The following NOPCHAP1 variants were observed in gnomAD, a reference collection of about 807,000 sequenced individuals.
The protein encoded by NOPCHAP1 is DNA damage-sensitive RNA 1.
Under a neutral mutation model 14.0 loss-of-function variants are expected in NOPCHAP1, and 13 were observed. That is an observed-to-expected ratio of 0.93 (90% CI 0.60 to 1.47). The LOEUF (loss-of-function observed/expected upper bound fraction) is 1.47. Among genes scored for constraint, NOPCHAP1 ranks in the 40% most tolerant of loss-of-function variants. NOPCHAP1 has a pLI of 0.00. For synonymous variants in NOPCHAP1, 78 were observed against 78.4 expected (o/e 1.00, Z 0.03); for missense variants, 230 against 226.9 (o/e 1.01, Z -0.09).
intron 1 of NOPCHAP1, among the ~76,000 whole-genome samples, chr12:104,987,904 C>T (rs922884000): frequency 3.3e-5 from 5 of 152,264 alleles, no homozygotes; most frequent in Admixed American, 6.5e-5. Flanking sequence ...ATTTCTGATC[C>T]AGAAAAGTGC....
Position 105,008,678 on chromosome 12 carries a change from T to A in NOPCHAP1, c.*13982T>A, listed in dbSNP as rs1452494239. On this transcript the variant is annotated 3_prime_UTR_variant, in exon 4 of 4. Coordinates refer to ENST00000552951, the MANE Select transcript of NOPCHAP1 (RefSeq NM_152318.3). ...TTTTGTATAAGGTGTAAGAAAGGGG[T>A]CCAGTTTCAGTTTTCTGCATATGGC... is the stretch of plus-strand genomic sequence containing the variant. 2.0e-5 allele frequency: 3 copies of A among 152,140 alleles called. No individual in the cohort carries two copies. The highest frequency in any genetic ancestry group is 4.4e-5 in the Non-Finnish European group (3 of 68,018). 9.4% of individuals were successfully genotyped at this position (152,140 alleles called of 1,614,324 possible). A position where few individuals can be genotyped will look rare whatever the true frequency, so the allele number is the denominator to read the frequency against.
Position 104,991,782 on chromosome 12 carries a change from A to G in NOPCHAP1, c.273A>G (p.Ala91=). ...ATGAAAAGCTAAGAAAAGAAATGGC[A>G]GCTGCACCACCTGGTCGTTTCAATA... The part of the protein sequence containing the change: ...RANEKLRKEM[A]AAPPGRFNIE... The change falls in exon 3 of 4, where the codon GCA becomes GCG. Residue 91 remains alanine (A), a synonymous_variant. Transcript: ENST00000552951. The G allele has an allele frequency of 1.9e-6, 3 of 1,613,882 alleles. No individual in the cohort carries two copies. The highest frequency in any genetic ancestry group is 2.5e-6 in the Non-Finnish European group (3 of 1,179,966).
At position 105,010,248 on chromosome 12, in the gene NOPCHAP1, T is replaced by C. The variant is rs1340294401; in HGVS notation, c.*15552T>C. 1.3e-5 allele frequency: 2 copies of C among 151,740 alleles called. No individual in the cohort carries two copies. Among genetic ancestry groups the C allele is most frequent in the Non-Finnish European group, 3.0e-5 (2 of 67,774 alleles). 9.4% of individuals were successfully genotyped at this position (151,740 alleles called of 1,614,324 possible). The stretch of plus-strand genomic sequence containing the variant: ...TTCTTCTAGATTTTCTAGAGGTGTT[T>C]ATAGTTATTTGTATAGAGTTGTTTA... On this transcript the variant is annotated 3_prime_UTR_variant, in exon 4 of 4. Transcript: ENST00000552951.
Position 105,003,291 on chromosome 12 carries a change from A to G in NOPCHAP1, c.*8595A>G, listed in dbSNP as rs924482223. On this transcript the variant is annotated 3_prime_UTR_variant, in exon 4 of 4. Coordinates refer to ENST00000552951, the MANE Select transcript of NOPCHAP1 (RefSeq NM_152318.3). The stretch of plus-strand genomic sequence containing the variant: ...TGAGTTTCATTTTTCTAGAAAAGCA[A>G]CATGCCCTGAGTCTGTAGTTCTTAT... 2 of 152,170 alleles carry G rather than the reference A, an allele frequency of 1.3e-5. No individual in the cohort carries two copies. Among genetic ancestry groups the G allele is most frequent in the African/African-American group, 4.8e-5 (2 of 41,434 alleles). The allele number at this position is 152,170 out of a possible 1,614,324, so 9.4% of individuals were successfully genotyped here. A position where few individuals can be genotyped will look rare whatever the true frequency, so the allele number is the denominator to read the frequency against.
intron 3 of NOPCHAP1, among the ~76,000 whole-genome samples, chr12:104,994,147 C>A (rs1441666119): frequency 6.6e-6 from 1 of 152,178 alleles, no homozygotes; most frequent in Non-Finnish European, 1.5e-5. Context: ...GAGTTCAAGA[C>A]CAGCCTGGCC....
At position 105,002,964 on chromosome 12, in the gene NOPCHAP1, A is replaced by C. The variant is rs1301263256; in HGVS notation, c.*8268A>C. 3.3e-5 allele frequency: 5 copies of C among 152,228 alleles called. No individual in the cohort carries two copies. The highest frequency in any genetic ancestry group is 1.2e-4 in the African/African-American group (5 of 41,456). The allele number at this position is 152,228 out of a possible 1,614,324, so 9.4% of individuals were successfully genotyped here. A position where few individuals can be genotyped will look rare whatever the true frequency, so the allele number is the denominator to read the frequency against. The stretch of plus-strand genomic sequence containing the variant: ...CTTTAGAATGAAAGAGTAGTTGAGC[A>C]AAAAGGTTATTAGACTCAGAGTATT... On this transcript the variant is annotated 3_prime_UTR_variant, in exon 4 of 4. Coordinates refer to ENST00000552951, the MANE Select transcript of NOPCHAP1 (RefSeq NM_152318.3).
In NOPCHAP1 at chr12:104,994,486, T is replaced by A; in HGVS notation, c.348T>A (p.Ala116=). 1 of 1,614,068 alleles carries A rather than the reference T, an allele frequency of 6.2e-7. No individual in the cohort carries two copies. The highest frequency in any genetic ancestry group is 8.5e-7 in the Non-Finnish European group (1 of 1,179,960). ...PHSKVIQMDV[A]LFEMNQSDSK... ...TCCACTACTTTTTGCAGGATGTGGCTTTGTTTGAGATGAATCAGTCGGATT... is the reference window on the plus strand; with the variant it reads ...TCCACTACTTTTTGCAGGATGTGGCATTGTTTGAGATGAATCAGTCGGATT... The change falls in exon 4 of 4, where the codon GCT becomes GCA. Residue 116 remains alanine (A), a synonymous_variant. Coordinates refer to ENST00000552951, the MANE Select transcript of NOPCHAP1 (RefSeq NM_152318.3).
rs893171934 is a variant in NOPCHAP1, at chr12:105,014,113, G to C, written c.*19417G>C. ...CGAGCTCATCGCAATAGCAACAGGA[G>C]GTGACCACAAAGTTATTACAGTACT... On this transcript the variant is annotated 3_prime_UTR_variant, in exon 4 of 4. Transcript: ENST00000552951. 1 of 152,180 alleles carries C rather than the reference G, an allele frequency of 6.6e-6. No homozygotes were observed. Among genetic ancestry groups the C allele is most frequent in the South Asian group, 2.1e-4 (1 of 4,822 alleles). The allele number at this position is 152,180 out of a possible 1,614,324, so 9.4% of individuals were successfully genotyped here.
rs904058485 is a variant in NOPCHAP1 at position 105,012,062 on chromosome 12, G to A, written c.*17366G>A. On this transcript the variant is annotated 3_prime_UTR_variant, in exon 4 of 4. Transcript: ENST00000552951. ...GTCTTGCTAGGTTGGGGAAGTTCTCGTGGATAATATCCTGAAGAGTGTTTT... is the reference window on the plus strand; with the variant it reads ...GTCTTGCTAGGTTGGGGAAGTTCTCATGGATAATATCCTGAAGAGTGTTTT... 2.0e-5 allele frequency: 3 copies of A among 152,140 alleles called. No homozygotes were observed. The highest frequency in any genetic ancestry group is 2.9e-5 in the Non-Finnish European group (2 of 68,016). 9.4% of individuals were successfully genotyped at this position (152,140 alleles called of 1,614,324 possible).
At position 104,997,675 on chromosome 12, in the gene NOPCHAP1, T is replaced by C. The variant is rs949117171; in HGVS notation, c.*2979T>C. The C allele has an allele frequency of 2.0e-5, 3 of 152,140 alleles. No individual in the cohort carries two copies. The highest frequency in any genetic ancestry group is 7.2e-5 in the African/African-American group (3 of 41,422). The allele number at this position is 152,140 out of a possible 1,614,324, so 9.4% of individuals were successfully genotyped here. ...CACCTTGGAGGATCTGATGACTGTA[T>C]GTTTTAGGTTGGTCTGCTTGTGTAG... On this transcript the variant is annotated 3_prime_UTR_variant, in exon 4 of 4. Coordinates refer to ENST00000552951, the MANE Select transcript of NOPCHAP1 (RefSeq NM_152318.3).
intron 3 of NOPCHAP1, 105 bp from the exon 4 acceptor site, chr12:104,994,373 A>T (rs1565939209): frequency 1.9e-6 from 2 of 1,071,480 alleles, no homozygotes; most frequent in Non-Finnish European, 2.9e-6. Context: ...CTTATCCTTT[A>T]TGTTTCAATA....
Position 105,006,687 on chromosome 12 carries a change from G to C in NOPCHAP1, c.*11991G>C, listed in dbSNP as rs1327593608. The C allele has an allele frequency of 2.6e-5, 4 of 152,064 alleles. No individual in the cohort carries two copies. Among genetic ancestry groups the C allele is most frequent in the Non-Finnish European group, 4.4e-5 (3 of 68,016 alleles). 9.4% of individuals were successfully genotyped at this position (152,064 alleles called of 1,614,324 possible). On this transcript the variant is annotated 3_prime_UTR_variant, in exon 4 of 4. Coordinates refer to ENST00000552951, the MANE Select transcript of NOPCHAP1 (RefSeq NM_152318.3). ...GGCAGTCCTGATCATAAATCTAATT[G>C]CATTTGCACAAAACAGTAGAGTTAA... is the stretch of plus-strand genomic sequence containing the variant.
rs1873617431 is a variant in NOPCHAP1 at position 105,001,865 on chromosome 12, CTT to C, written c.*7172_*7173del. 6.6e-6 allele frequency: 1 copy of C among 152,030 alleles called. No individual in the cohort carries two copies. Among genetic ancestry groups the C allele is most frequent in the African/African-American group, 2.4e-5 (1 of 41,418 alleles). 9.4% of individuals were successfully genotyped at this position (152,030 alleles called of 1,614,324 possible). On this transcript the variant is annotated 3_prime_UTR_variant, in exon 4 of 4. Coordinates refer to ENST00000552951, the MANE Select transcript of NOPCHAP1 (RefSeq NM_152318.3). Reference sequence around the variant, plus strand: ...GTATAAGATTTTTCATTTGTTTTAACTTTTGTTTTTCCATGTTTATTTCTTTT... The same window carrying C: ...GTATAAGATTTTTCATTTGTTTTAACTTGTTTTTCCATGTTTATTTCTTTT...
At position 104,996,623 on chromosome 12, in the gene NOPCHAP1, T is replaced by G. The variant is rs1873507119; in HGVS notation, c.*1927T>G. 1 of 152,230 alleles carries G rather than the reference T, an allele frequency of 6.6e-6. No individual in the cohort carries two copies. The highest frequency in any genetic ancestry group is 2.1e-4 in the South Asian group (1 of 4,830). 9.4% of individuals were successfully genotyped at this position (152,230 alleles called of 1,614,324 possible). A position where few individuals can be genotyped will look rare whatever the true frequency, so the allele number is the denominator to read the frequency against. Reference sequence around the variant, plus strand: ...AATAAGTGAGAACATGTGGTATTTTTCTGTTCCTGTGTTGGTTGCTTAGGT... The same window carrying G: ...AATAAGTGAGAACATGTGGTATTTTGCTGTTCCTGTGTTGGTTGCTTAGGT... On this transcript the variant is annotated 3_prime_UTR_variant, in exon 4 of 4. Transcript: ENST00000552951.
rs1873851236 is a variant in NOPCHAP1, at chr12:105,012,492, T to C, written c.*17796T>C. The C allele has an allele frequency of 6.6e-6, 1 of 152,242 alleles. No homozygotes were observed. The highest frequency in any genetic ancestry group is 1.5e-5 in the Non-Finnish European group (1 of 68,046). 9.4% of individuals were successfully genotyped at this position (152,242 alleles called of 1,614,324 possible). A position where few individuals can be genotyped will look rare whatever the true frequency, so the allele number is the denominator to read the frequency against. On this transcript the variant is annotated 3_prime_UTR_variant, in exon 4 of 4. Transcript: ENST00000552951. Reference sequence around the variant, plus strand: ...GCCTTCTGAAGCCTACTTCTGTCAATTCGTCAAACTTATTCTCTGTCCAGT... The same window carrying C: ...GCCTTCTGAAGCCTACTTCTGTCAACTCGTCAAACTTATTCTCTGTCCAGT...
At position 105,015,925 on chromosome 12, in the gene NOPCHAP1, A is replaced by G. The variant is rs1373248370; in HGVS notation, c.*21229A>G. 1 of 152,198 alleles carries G rather than the reference A, an allele frequency of 6.6e-6. No individual in the cohort carries two copies. The highest frequency in any genetic ancestry group is 2.4e-5 in the African/African-American group (1 of 41,468). The allele number at this position is 152,198 out of a possible 1,614,324, so 9.4% of individuals were successfully genotyped here. On this transcript the variant is annotated 3_prime_UTR_variant, in exon 4 of 4. Coordinates refer to ENST00000552951, the MANE Select transcript of NOPCHAP1 (RefSeq NM_152318.3). The stretch of plus-strand genomic sequence containing the variant: ...GGATTAAGGATTTAAATGTAAAAAA[A>G]GAAATTATAAGAGTTCCATACCGAA...
In NOPCHAP1 at chr12:104,986,324, G is replaced by A; in HGVS notation, c.-29G>A. ...TTACCCGAGCCTTTTTCCTGCATCC[G>A]GGCCTGAGAGTGCAGGCTTGAGGGA... On this transcript the variant is annotated 5_prime_UTR_variant, in exon 1 of 4. Coordinates refer to ENST00000552951, the MANE Select transcript of NOPCHAP1 (RefSeq NM_152318.3). 1.3e-6 allele frequency: 2 copies of A among 1,571,464 alleles called. No individual in the cohort carries two copies. The highest frequency in any genetic ancestry group is 2.3e-5 in the South Asian group (2 of 86,710).
In NOPCHAP1 at chr12:104,994,910, C is replaced by G; in HGVS notation, c.*214C>G. On this transcript the variant is annotated 3_prime_UTR_variant, in exon 4 of 4. Coordinates refer to ENST00000552951, the MANE Select transcript of NOPCHAP1 (RefSeq NM_152318.3). ...ACTGAAAGGGGTTCAGAGACCTCCG[C>G]TCTACAGCAAGGAAAGTGTGCTTTT... 1.9e-6 allele frequency: 1 copy of G among 519,562 alleles called. No homozygotes were observed. The highest frequency in any genetic ancestry group is 3.4e-6 in the Non-Finnish European group (1 of 292,400). 32.2% of individuals were successfully genotyped at this position (519,562 alleles called of 1,614,324 possible).
Position 105,005,949 on chromosome 12 carries a change from C to T in NOPCHAP1, c.*11253C>T, listed in dbSNP as rs779218197. 1.3e-5 allele frequency: 2 copies of T among 152,296 alleles called. No individual in the cohort carries two copies. The highest frequency in any genetic ancestry group is 2.9e-5 in the Non-Finnish European group (2 of 68,040). 9.4% of individuals were successfully genotyped at this position (152,296 alleles called of 1,614,324 possible). A position where few individuals can be genotyped will look rare whatever the true frequency, so the allele number is the denominator to read the frequency against. ...GATACTGATGCTTCTCCATCTTCCT[C>T]ATCGTCTGGCACTGTGGCTCAGAAG... is the stretch of plus-strand genomic sequence containing the variant. On this transcript the variant is annotated 3_prime_UTR_variant, in exon 4 of 4. Transcript: ENST00000552951.
Sources: gnomAD v4.1 joint callset for allele counts (sites outside exome capture counted in the v4.1 genomes callset) on GRCh38, gnomAD v4.1.1 for gene constraint, MANE v1.5 for transcripts, NCBI Gene and HGNC (gene_info 2026-07-23, HGNC 2026-07-21) for gene names.